Variants in EFCAB6 observed in about 807,000 individuals in gnomAD.
EFCAB6 encodes EF-hand calcium binding domain 6.
Under a neutral mutation model 169.8 loss-of-function variants are expected in EFCAB6, and 156 were observed. The ratio of observed to expected loss-of-function variants is 0.92; its 90% CI spans 0.81 to 1.05. The LOEUF is 1.05. Among genes scored for constraint, EFCAB6 ranks in the 50% least tolerant of loss-of-function variants. The probability of loss-of-function intolerance (pLI) is 0.00; values close to 1 mark genes in which losing one functional copy is unlikely to be tolerated. For missense variants in EFCAB6, 1,800 were observed against 1,829.1 expected, an observed-to-expected ratio of 0.98 and a Z score of 0.29; for synonymous variants, 698 against 676.4, an observed-to-expected ratio of 1.03 and a Z score of -0.50.
At chr22:43,549,848 A>T (rs752605142) in intron 27 of EFCAB6, among the ~76,000 whole-genome samples, 40 of 152,368 alleles carry the variant, frequency 2.6e-4, no homozygotes, top group Admixed American at 5.9e-4. Context: ...ATTCAAGTTT[A>T]GTTTAACATC....
chr22:43,703,945 AT>A, intron 10 of EFCAB6, among the ~76,000 whole-genome samples: 1 of 152,292 alleles, frequency 6.6e-6, no homozygotes, highest in Non-Finnish European at 1.5e-5. Context: ...TAGAAAGCAT[AT>A]TTAAAGAAAT....
intron 6 of EFCAB6, among the ~76,000 whole-genome samples, chr22:43,739,636 G>T (rs1030314637): frequency 1.3e-5 from 2 of 151,972 alleles, no homozygotes; most frequent in Admixed American, 1.3e-4. Flanking sequence ...AACCCAAGCT[G>T]CTCTACCCAC....
chr22:43,754,095 T>C (rs1231905774), intron 6 of EFCAB6, among the ~76,000 whole-genome samples: 1 of 152,164 alleles, frequency 6.6e-6, no homozygotes. Flanking sequence ...TTCTCTTTAT[T>C]TGGAGGTGGA....
At chr22:43,689,479 G>A (rs918928508) in intron 10 of EFCAB6, among the ~76,000 whole-genome samples, 1 of 152,160 alleles carries the variant, frequency 6.6e-6, no homozygotes, top group African/African-American at 2.4e-5. Flanking sequence ...CAGGGGCTGA[G>A]AAGGAAATAG....
chr22:43,673,693 TC>T (rs2146997280), intron 13 of EFCAB6, among the ~76,000 whole-genome samples: 1 of 152,220 alleles, frequency 6.6e-6, no homozygotes, highest in Admixed American at 6.5e-5. Context: ...CGCAGGAGAA[TC>T]ATTTGAACCC....
In EFCAB6 at chr22:43,537,332, CAG is replaced by C; in HGVS notation, c.4048+43_4048+44del. 1.3e-6 allele frequency: 2 copies of C among 1,598,576 alleles called. No homozygotes were observed. The highest frequency in any genetic ancestry group is 1.1e-5 in the South Asian group (1 of 88,882). ...ACCCAGTGGGAACAGCCTCTTGCCA[CAG>C]GGGCTGACCACATATTACCAAGCAG... On this transcript the variant is annotated intron_variant, in intron 29 of 31. Transcript: ENST00000262726. The surrounding 1 kb of genome is among the most constrained non-coding windows in gnomAD (Gnocchi z 4.3).
At chr22:43,592,473 T>C (rs758554412) in intron 23 of EFCAB6, among the ~76,000 whole-genome samples, 5 of 152,240 alleles carry the variant, frequency 3.3e-5, no homozygotes, top group Non-Finnish European at 7.3e-5. Context: ...TTGAGATACA[T>C]ATTTTTAGAA....
intron 19 of EFCAB6, among the ~76,000 whole-genome samples, 198 bp from the exon 20 acceptor site, chr22:43,626,877 C>T (rs900400159): frequency 6.6e-6 from 1 of 152,136 alleles, no homozygotes; most frequent in African/African-American, 2.4e-5. Context: ...ATAAAGCTCT[C>T]CAGCTACCCA....
At chr22:43,742,068 G>T (rs1041766643) in intron 6 of EFCAB6, among the ~76,000 whole-genome samples, 3 of 152,158 alleles carry the variant, frequency 2.0e-5, no homozygotes, top group Admixed American at 2.0e-4. Flanking sequence ...TCTCAGAAAA[G>T]AACATCTTGC....
At chr22:43,599,220 G>A (rs535046515) in intron 23 of EFCAB6, among the ~76,000 whole-genome samples, 2 of 152,266 alleles carry the variant, frequency 1.3e-5, no homozygotes, top group African/African-American at 4.8e-5. Flanking sequence ...TGGGACTGGA[G>A]GGTATTCCCT....
intron 26 of EFCAB6, among the ~76,000 whole-genome samples, chr22:43,571,357 C>T (rs376885746): frequency 1.1e-4 from 17 of 152,162 alleles, no homozygotes; most frequent in Admixed American, 2.0e-4. Flanking sequence ...GGAGAGTTGC[C>T]GACTGTCTTA....
At chr22:43,555,923 C>T (rs989245393) in intron 26 of EFCAB6, among the ~76,000 whole-genome samples, 5 of 152,318 alleles carry the variant, frequency 3.3e-5, no homozygotes, top group African/African-American at 1.2e-4. Context: ...GGCAAGAGGG[C>T]TTGTGGCCAG....
At chr22:43,791,711 G>A (rs1163189625) in intron 2 of EFCAB6, among the ~76,000 whole-genome samples, 1 of 152,098 alleles carries the variant, frequency 6.6e-6, no homozygotes, top group East Asian at 1.9e-4. Context: ...AATGGTGGGG[G>A]AAAACCTGTC....
At chr22:43,696,259 T>C (rs1202478471) in intron 10 of EFCAB6, among the ~76,000 whole-genome samples, 1 of 144,780 alleles carries the variant, frequency 6.9e-6, no homozygotes, top group Non-Finnish European at 1.5e-5. Context: ...CTGAGATACC[T>C]CTACACACCT....
chr22:43,635,052 A>T lies in EFCAB6; in HGVS notation c.2098+50T>A, dbSNP rs752392382. 7.5e-6 allele frequency: 11 copies of T among 1,472,250 alleles called. 1 individual carries two copies. The East Asian group carries it at 2.5e-4, about 33-fold the overall frequency. The allele number at this position is 1,472,250 out of a possible 1,614,324, so 91.2% of individuals were successfully genotyped here. A position where few individuals can be genotyped will look rare whatever the true frequency, so the allele number is the denominator to read the frequency against. Reference sequence around the variant, plus strand: ...GGTGGCACTGCTAGCAAAGACATGCAGTGTCACCCAGGACGCATCCCACAG... The same window carrying T: ...GGTGGCACTGCTAGCAAAGACATGCTGTGTCACCCAGGACGCATCCCACAG... On this transcript the variant is annotated intron_variant, in intron 18 of 31. Transcript: ENST00000262726.
At position 43,672,292 on chromosome 22, in the gene EFCAB6, G is replaced by T. The variant is rs770312808; in HGVS notation, c.1433C>A (p.Ser478Tyr). Residue 478 changes from serine to tyrosine, a missense_variant, in exon 14 of 32, where the codon TCT (serine) becomes TAT (tyrosine). Physicochemically the swap from Ser to Tyr is moderately radical, Grantham distance 144. Coordinates refer to ENST00000262726, the MANE Select transcript of EFCAB6 (RefSeq NM_022785.4). ...AGGTGTCTTAGCATCTGTACAGGGA[G>T]ATGTCTTTCTCATCTAATTGGGAAA... ...IEENCRMRKT[S>Y]PCTDAKTPFL... is the part of the protein sequence containing the mutation. The T allele has an allele frequency of 1.2e-6, 2 of 1,614,122 alleles. No individual in the cohort carries two copies. Among genetic ancestry groups the T allele is most frequent in the East Asian group, 2.2e-5 (1 of 44,870 alleles).
chr22:43,641,701 C>T (rs1220511002), intron 17 of EFCAB6, among the ~76,000 whole-genome samples: 1 of 151,740 alleles, frequency 6.6e-6, no homozygotes, highest in Admixed American at 6.6e-5. Flanking sequence ...GAAAGGGAGA[C>T]AGGACAGGGA....
At chr22:43,586,828 A>G (rs1357943689) in intron 24 of EFCAB6, among the ~76,000 whole-genome samples, 2 of 152,140 alleles carry the variant, frequency 1.3e-5, no homozygotes, top group African/African-American at 2.4e-5. Context: ...ACTTTGGGGG[A>G]GGGACCCAAC....
In EFCAB6 at chr22:43,792,323, T is replaced by C. The variant is rs964088206; in HGVS notation, c.-7-9998A>G. 2.0e-5 allele frequency among the ~76,000 whole-genome samples: 3 copies of C among 152,090 alleles called. No individual in the cohort carries two copies. The East Asian group carries it at 5.8e-4, about 29-fold the overall frequency. On this transcript the variant is annotated intron_variant, in intron 2 of 31. Coordinates refer to ENST00000262726, the MANE Select transcript of EFCAB6 (RefSeq NM_022785.4). The stretch of plus-strand genomic sequence containing the variant: ...CTCCAGCCATGTTCAGCAGCACAGG[T>C]AGGCAAAAAGTTGGGTTTAATTTGG...
Sources: gnomAD v4.1 joint callset for allele counts (sites outside exome capture counted in the v4.1 genomes callset) on GRCh38, gnomAD v4.1.1 for gene constraint, Gnocchi (gnomAD v3.1) non-coding constraint, MANE v1.5 for transcripts, NCBI Gene and HGNC (gene_info 2026-07-23, HGNC 2026-07-21) for gene names.